Variants in DHODH observed in about 807,000 individuals in gnomAD.
DHODH encodes the protein dihydroorotate dehydrogenase (quinone), also known as dihydroorotate dehydrogenase (quinone), mitochondrial.
Under a neutral mutation model 39.7 loss-of-function variants are expected in DHODH, and 30 were observed. The ratio of observed to expected loss-of-function variants is 0.76; its 90% CI spans 0.57 to 1.02. DHODH has a LOEUF of 1.02. Among genes scored for constraint, DHODH ranks in the 50% least tolerant of loss-of-function variants. DHODH has a pLI of 0.00. For synonymous variants in DHODH, 222 were observed against 213.8 expected (o/e 1.04, Z -0.34); for missense variants, 531 against 520.8 (o/e 1.02, Z -0.19).
At position 72,027,002 on chromosome 16, in the gene DHODH, TGTGTGTG is replaced by T. The variant is rs200160667; in HGVS notation, c.*2804_*2810del. 16,713 of 79,320 alleles carry T rather than the reference TGTGTGTG, an allele frequency of 0.21. 1,505 individuals carry two copies. Among genetic ancestry groups the T allele is most frequent in the South Asian group, 0.28 (567 of 2,052 alleles). 4.9% of individuals were successfully genotyped at this position (79,320 alleles called of 1,614,324 possible). On this transcript the variant is annotated 3_prime_UTR_variant, in exon 9 of 9. Transcript: ENST00000219240. ...GTGTGTGTGTGTGTGTGTGTGTGTGTGTGTGTGTTTTTGAGATGGAGTCCTGCTCTGT... is the reference window on the plus strand; with the variant it reads ...GTGTGTGTGTGTGTGTGTGTGTGTGTTTTTTGAGATGGAGTCCTGCTCTGT...
chr16:72,013,103 G>C (rs2041102397), intron 2 of DHODH, among the ~76,000 whole-genome samples: 1 of 152,170 alleles, frequency 6.6e-6, no homozygotes, highest in Non-Finnish European at 1.5e-5. Context: ...CTGGTGGGAA[G>C]GGTCACTGTT....
intron 2 of DHODH, 79 bp from the exon 3 acceptor site, chr16:72,014,394 G>T: frequency 7.2e-7 from 1 of 1,391,612 alleles, no homozygotes; most frequent in Non-Finnish European, 1.0e-6. Flanking sequence ...TCATTCTGAT[G>T]TAGCTGTGCC....
At position 72,020,353 on chromosome 16, in the gene DHODH, ATGTGTATATATATATATAT is replaced by A. The variant is rs1279559609; in HGVS notation, c.518-769_518-751del. The A allele has an allele frequency of 2.0e-3, 214 of 109,432 alleles. 1 individual carries two copies. Among genetic ancestry groups the A allele is most frequent in the East Asian group, 3.3e-3 (13 of 3,978 alleles). 6.8% of individuals were successfully genotyped at this position (109,432 alleles called of 1,614,324 possible). ...TGTATATATATATATATATATATAT[ATGTGTATATATATATATAT>A]TTTTTTTTTTTTTCTTTTTTTTGAG... On this transcript the variant is annotated intron_variant, in intron 4 of 8. Transcript: ENST00000219240.
rs149123373 is a variant in DHODH, at chr16:72,021,176, C to A, written c.570C>A (p.Ala190=). 6 of 1,609,418 alleles carry A rather than the reference C, an allele frequency of 3.7e-6. 1 individual carries two copies. In the South Asian group the frequency reaches 6.7e-5, roughly 18 times the overall value. Residue 190 remains alanine, a synonymous_variant, in exon 5 of 9, where the codon GCC becomes GCA. Transcript: ENST00000219240. The part of the protein sequence containing the change: ...NLGKNKTSVD[A]AEDYAEGVRV... ...GGAAGAACAAGACCTCAGTGGACGC[C>A]GCGGAGGACTACGCAGAAGGGGTGC... is the stretch of plus-strand genomic sequence containing the variant.
At chr16:72,022,122 A>G (rs1167475838) in intron 5 of DHODH, among the ~76,000 whole-genome samples, 1 of 151,770 alleles carries the variant, frequency 6.6e-6, no homozygotes, top group Admixed American at 6.6e-5. Flanking sequence ...AGAAAAGAAA[A>G]GTCTAAAACA....
intron 4 of DHODH, among the ~76,000 whole-genome samples, chr16:72,020,861 A>G (rs895359123): frequency 1.3e-5 from 2 of 152,000 alleles, no homozygotes; most frequent in East Asian, 1.9e-4. Flanking sequence ...TCCATTTTCC[A>G]TGAAAATTTT....
chr16:72,013,683 C>T (rs539881115), intron 2 of DHODH: 2 of 152,426 alleles, frequency 1.3e-5, no homozygotes, highest in Non-Finnish European at 1.5e-5. Flanking sequence ...GACCTGAAAG[C>T]TGCCAGGGGC....
chr16:72,024,115 C>G, intron 8 of DHODH, 30 bp from the exon 9 acceptor site: 1 of 1,613,738 alleles, frequency 6.2e-7, no homozygotes, highest in Non-Finnish European at 8.5e-7. Context: ...CCACTGTTTG[C>G]TGAAATTGCT....
chr16:72,024,094 G>C, intron 8 of DHODH, 51 bp from the exon 9 acceptor site: 1 of 1,601,562 alleles, frequency 6.2e-7, no homozygotes, highest in Non-Finnish European at 8.6e-7. Flanking sequence ...TGTAAGAGCA[G>C]GGCCTGTTCT....
chr16:72,022,464 G>A lies in DHODH; in HGVS notation c.808G>A (p.Val270Met). Residue 270 changes from valine (V) to methionine (M), a missense_variant, in exon 6 of 9, where the codon GTG becomes ATG. Coordinates refer to ENST00000219240, the MANE Select transcript of DHODH (RefSeq NM_001361.5). ...TSQDKEDIASVVKELGIDGLI... is the reference protein window; with the variant it reads ...TSQDKEDIASMVKELGIDGLI... The stretch of plus-strand genomic sequence containing the variant: ...CCAGGATAAGGAGGACATTGCCAGT[G>A]TGGTCAAAGAGGTTTGAGTCGGGGC... The A allele has an allele frequency of 6.4e-7, 1 of 1,553,136 alleles. No individual in the cohort carries two copies. Among genetic ancestry groups the A allele is most frequent in the Non-Finnish European group, 8.7e-7 (1 of 1,148,122 alleles).
chr16:72,019,433 T>C (rs1270539301), intron 4 of DHODH, among the ~76,000 whole-genome samples: 1 of 152,220 alleles, frequency 6.6e-6, no homozygotes, highest in South Asian at 2.1e-4. Context: ...GGTGTTCTAA[T>C]TCTTCCCCCA....
chr16:72,012,414 TG>T (rs2041094531), intron 2 of DHODH, 152 bp downstream of exon 2: 5 of 704,134 alleles, frequency 7.1e-6, no homozygotes, highest in Non-Finnish European at 4.9e-6. Context: ...TTTTATGTCA[TG>T]TAATTAGCAA....
At chr16:72,016,614 T>C (rs1183906656) in intron 3 of DHODH, 1 of 325,756 alleles carries the variant, frequency 3.1e-6, no homozygotes, top group Non-Finnish European at 6.0e-6. Context: ...GAGCGTTTGC[T>C]CTGAGCTAGG....
rs2041265780 is a variant in DHODH, at chr16:72,025,181, T to C, written c.*982T>C. On this transcript the variant is annotated 3_prime_UTR_variant, in exon 9 of 9. Coordinates refer to ENST00000219240, the MANE Select transcript of DHODH (RefSeq NM_001361.5). The stretch of plus-strand genomic sequence containing the variant: ...ACTAGCAATTCAAACGGTACAGCAC[T>C]CTTGAAGTGTAAACATTCCTGTTCC... 6.6e-6 allele frequency: 1 copy of C among 152,246 alleles called. No individual in the cohort carries two copies. Among genetic ancestry groups the C allele is most frequent in the South Asian group, 2.1e-4 (1 of 4,834 alleles). 9.4% of individuals were successfully genotyped at this position (152,246 alleles called of 1,614,324 possible). A position where few individuals can be genotyped will look rare whatever the true frequency, so the allele number is the denominator to read the frequency against.
At chr16:72,021,073 T>C (rs754391821) in intron 4 of DHODH, 51 bp from the exon 5 acceptor site, 4 of 1,534,590 alleles carry the variant, frequency 2.6e-6, no homozygotes, top group South Asian at 2.4e-5. Context: ...CCTCAGAAGG[T>C]GGCACAGGAA....
chr16:72,008,844 G>T (rs2041049152), intron 1 of DHODH, 59 bp downstream of exon 1: 10 of 1,551,740 alleles, frequency 6.4e-6, no homozygotes, highest in African/African-American at 1.4e-5. Context: ...GGGCGAGAAC[G>T]GAGAGTCAGG....
rs1357511481 is a variant in DHODH, at chr16:72,023,581, T to TG, written c.1086dup (p.Pro363AlafsTer59). 1 of 1,614,120 alleles carries TG rather than the reference T, an allele frequency of 6.2e-7. No individual in the cohort carries two copies. The highest frequency in any genetic ancestry group is 8.5e-7 in the Non-Finnish European group (1 of 1,180,034). On this transcript the variant is annotated frameshift_variant, in exon 8 of 9. Coordinates refer to ENST00000219240, the MANE Select transcript of DHODH (RefSeq NM_001361.5). LOFTEE classifies it high-confidence loss of function. ...GCAGCTGTACACGGCCCTCACCTTC[T>TG]GGGGGCCACCCGTTGTGGGCAAAGT... is the stretch of plus-strand genomic sequence containing the variant.
intron 4 of DHODH, among the ~76,000 whole-genome samples, chr16:72,019,856 AT>A (rs1212327248): frequency 6.6e-6 from 1 of 152,210 alleles, no homozygotes. Flanking sequence ...AATTGAAAAC[AT>A]TTGGCCGGGC....
rs2041239506 is a variant in DHODH, at chr16:72,023,148, T to G, written c.820-17T>G. The G allele has an allele frequency of 2.5e-6, 4 of 1,613,968 alleles. No individual in the cohort carries two copies. The African/African-American group carries it at 5.3e-5, about 22-fold the overall frequency. The stretch of plus-strand genomic sequence containing the variant: ...CGGTGCTATGACTCATGGCTTTTTC[T>G]CTATCTCGCACTGCAGTTGGGCATC... On this transcript the variant is annotated splice_polypyrimidine_tract_variant and intron_variant, in intron 6 of 8. Coordinates refer to ENST00000219240, the MANE Select transcript of DHODH (RefSeq NM_001361.5).
Sources: allele counts gnomAD v4.1 joint callset (sites outside exome capture counted in the v4.1 genomes callset), GRCh38; gene constraint gnomAD v4.1.1; transcripts MANE v1.5; gene names NCBI Gene and HGNC (gene_info 2026-07-23, HGNC 2026-07-21).